The following FSTL5 variants were observed in gnomAD, a reference collection of about 807,000 sequenced individuals.
FSTL5 encodes follistatin-related protein 5.
Under a neutral mutation model 89.1 loss-of-function variants are expected in FSTL5, and 62 were observed. That is an observed-to-expected ratio of 0.70 (90% CI 0.57 to 0.86). FSTL5 has a LOEUF of 0.86. FSTL5 is among the 40% of genes least tolerant of loss of function. The probability of loss-of-function intolerance (pLI) is 0.00; values close to 1 mark genes in which losing one functional copy is unlikely to be tolerated. For missense variants in FSTL5, 1,057 were observed against 1,001.6 expected (o/e 1.06, Z -0.75); for synonymous variants, 383 against 346.2 (o/e 1.11, Z -1.18).
At chr4:161,627,493 T>G (rs1735356945) in intron 7 of FSTL5, among the ~76,000 whole-genome samples, 1 of 152,152 alleles carries the variant, frequency 6.6e-6, no homozygotes, top group African/African-American at 2.4e-5. Context: ...GTGACTCTCT[T>G]TATTGCAATA....
intron 4 of FSTL5, among the ~76,000 whole-genome samples, chr4:161,795,167 G>A (rs993954629): frequency 1.3e-5 from 2 of 151,836 alleles, no homozygotes; most frequent in African/African-American, 4.8e-5. Flanking sequence ...TTACTATGGT[G>A]GCAGATTTAG....
intron 3 of FSTL5, among the ~76,000 whole-genome samples, chr4:161,949,993 T>A (rs1478664204): frequency 1.3e-5 from 2 of 152,128 alleles, no homozygotes; most frequent in Non-Finnish European, 2.9e-5. Context: ...TTATGACTCA[T>A]TTGTATGTCT....
At chr4:162,139,074 T>C (rs188231788) in intron 1 of FSTL5, among the ~76,000 whole-genome samples, 78 of 152,198 alleles carry the variant, frequency 5.1e-4, no homozygotes, top group African/African-American at 1.8e-3. Context: ...TCCCCATATC[T>C]TTTCAGTTAC....
intron 4 of FSTL5, among the ~76,000 whole-genome samples, chr4:161,818,399 G>C (rs1222564550): frequency 6.6e-6 from 1 of 152,206 alleles, no homozygotes; most frequent in Non-Finnish European, 1.5e-5. Flanking sequence ...CGGGGATAAA[G>C]AAAGTCCTCT....
In FSTL5 at chr4:161,414,618, C is replaced by A. The variant is rs569393678; in HGVS notation, c.1842-28169G>T. On this transcript the variant is annotated intron_variant, in intron 15 of 15. Coordinates refer to ENST00000306100, the MANE Select transcript of FSTL5 (RefSeq NM_020116.5). ...TCCTTAGCAATTCACATAGGAAAAT[C>A]AATGTAGGTCCAACCTAGATGAATG... is the stretch of plus-strand genomic sequence containing the variant. Among the ~76,000 whole-genome samples the A allele has an allele frequency of 3.3e-5, 5 of 152,042 alleles. No individual in the cohort carries two copies. The East Asian group carries it at 9.6e-4, about 29-fold the overall frequency.
At chr4:161,764,634 C>T (rs1465447837) in intron 5 of FSTL5, among the ~76,000 whole-genome samples, 2 of 144,682 alleles carry the variant, frequency 1.4e-5, no homozygotes, top group African/African-American at 2.5e-5. Flanking sequence ...CCTAATATAA[C>T]ATTTAAAAAA....
chr4:162,028,862 T>G (rs2111182804), intron 3 of FSTL5, among the ~76,000 whole-genome samples: 1 of 152,312 alleles, frequency 6.6e-6, no homozygotes, highest in African/African-American at 2.4e-5. Context: ...CTATTCACCA[T>G]TTCTGACTGG....
intron 6 of FSTL5, among the ~76,000 whole-genome samples, chr4:161,702,420 G>A (rs980256590): frequency 4.6e-5 from 7 of 152,026 alleles, no homozygotes; most frequent in Admixed American, 2.6e-4. Flanking sequence ...CTTTTAGGAG[G>A]TTTCCATAGA....
At chr4:161,651,942 G>A (rs1736356837) in intron 7 of FSTL5, among the ~76,000 whole-genome samples, 1 of 152,142 alleles carries the variant, frequency 6.6e-6, no homozygotes, top group East Asian at 1.9e-4. Context: ...TAATAGCACA[G>A]TAAAGCAAAT....
chr4:162,001,466 C>G (rs1225118149), intron 3 of FSTL5, among the ~76,000 whole-genome samples: 7 of 152,070 alleles, frequency 4.6e-5, no homozygotes, highest in Non-Finnish European at 1.0e-4. Flanking sequence ...AGATGTTAGA[C>G]AAATAACATT....
At chr4:161,992,904 G>GTA in intron 3 of FSTL5, among the ~76,000 whole-genome samples, 1 of 62,296 alleles carries the variant, frequency 1.6e-5, no homozygotes, top group South Asian at 4.6e-4. Context: ...ATATGTGTGT[G>GTA]TATATATATA....
At chr4:161,792,979 C>A (rs1386133545) in intron 4 of FSTL5, among the ~76,000 whole-genome samples, 1 of 152,228 alleles carries the variant, frequency 6.6e-6, no homozygotes, top group East Asian at 1.9e-4. Flanking sequence ...AGGGGCTCCC[C>A]AAGCCAGGGC....
intron 4 of FSTL5, among the ~76,000 whole-genome samples, chr4:161,919,658 C>G (rs1042967581): frequency 6.6e-6 from 1 of 152,112 alleles, no homozygotes; most frequent in Admixed American, 6.6e-5. Flanking sequence ...ACACATTTAA[C>G]TCTAGAATTT....
At chr4:161,944,284 A>G (rs17597506) in intron 3 of FSTL5, among the ~76,000 whole-genome samples, 29,146 of 152,058 alleles carry the variant, frequency 0.19, 3,593 homozygotes, top group East Asian at 0.37. Flanking sequence ...TGAACTCCCA[A>G]TGGTCTTCTG....
At chr4:161,996,744 T>C (rs1262042637) in intron 3 of FSTL5, among the ~76,000 whole-genome samples, 2 of 152,222 alleles carry the variant, frequency 1.3e-5, no homozygotes, top group African/African-American at 4.8e-5. Context: ...CCCAACTTTA[T>C]TTGCTTCCAA....
At chr4:162,132,974 G>C (rs1275803298) in intron 1 of FSTL5, among the ~76,000 whole-genome samples, 2 of 151,978 alleles carry the variant, frequency 1.3e-5, no homozygotes, top group African/African-American at 4.8e-5. Context: ...ACGGAGTCTC[G>C]CTCTGTCGCC....
intron 2 of FSTL5, among the ~76,000 whole-genome samples, chr4:162,110,375 T>C (rs1163585739): frequency 1.3e-5 from 2 of 151,978 alleles, no homozygotes. Flanking sequence ...AGATTGGCTA[T>C]TTTATCAAAA....
intron 4 of FSTL5, among the ~76,000 whole-genome samples, chr4:161,842,286 T>C (rs975042160): frequency 1.3e-5 from 2 of 152,120 alleles, no homozygotes; most frequent in African/African-American, 4.8e-5. Flanking sequence ...TCTATGCAGT[T>C]CATTTTTACA....
At chr4:161,820,781 C>G (rs1360327934) in intron 4 of FSTL5, among the ~76,000 whole-genome samples, 2 of 151,982 alleles carry the variant, frequency 1.3e-5, no homozygotes, top group Admixed American at 1.3e-4. Context: ...ACTTGAGAAC[C>G]ACCAGCTCTA....
Sources: allele counts gnomAD v4.1 joint callset (sites outside exome capture counted in the v4.1 genomes callset), GRCh38; gene constraint gnomAD v4.1.1; transcripts MANE v1.5; gene names NCBI Gene and HGNC (gene_info 2026-07-23, HGNC 2026-07-21).